Variants in STX3 observed in about 807,000 individuals in gnomAD.
STX3 encodes the protein syntaxin-3.
STX3 carries 19 observed loss-of-function variants against 40.2 expected under a neutral mutation model. The observed-to-expected ratio is 0.47, with a 90% CI of 0.33 to 0.69. STX3 has a LOEUF of 0.69. Ranked by LOEUF, STX3 falls within the 30% of genes least tolerant of loss-of-function variation. The probability of loss-of-function intolerance (pLI) is 0.02; values close to 1 mark genes in which losing one functional copy is unlikely to be tolerated. For synonymous variants in STX3, 122 were observed against 132.2 expected, an observed-to-expected ratio of 0.92 and a Z score of 0.53; for missense variants, 364 against 366.7, an observed-to-expected ratio of 0.99 and a Z score of 0.06.
At chr11:59,767,229 A>T (rs1054280904) in intron 1 of STX3, among the ~76,000 whole-genome samples, 33 of 152,112 alleles carry the variant, frequency 2.2e-4, no homozygotes, top group Non-Finnish European at 4.0e-4. Flanking sequence ...GTTGGAGTTC[A>T]GTGTTGCCTA....
At chr11:59,771,219 T>G (rs1176487140) in intron 1 of STX3, among the ~76,000 whole-genome samples, 4 of 123,076 alleles carry the variant, frequency 3.3e-5, no homozygotes, top group Non-Finnish European at 6.6e-5. Context: ...GAGGCCAGGA[T>G]TTTGAGACCA....
At chr11:59,768,651 C>T (rs1198396802) in intron 1 of STX3, among the ~76,000 whole-genome samples, 3 of 152,086 alleles carry the variant, frequency 2.0e-5, no homozygotes, top group Non-Finnish European at 4.4e-5. Context: ...TATAGCTAAA[C>T]GCATAAATAC....
rs1865907611 is a variant in STX3 at position 59,802,083 on chromosome 11, T to A, written c.*1259T>A. The A allele has an allele frequency of 3.0e-6, 3 of 985,462 alleles. No homozygotes were observed. The highest frequency in any genetic ancestry group is 3.6e-6 in the Non-Finnish European group (3 of 829,942). 61.0% of individuals were successfully genotyped at this position (985,462 alleles called of 1,614,324 possible). ...CTATGCTAGGCTTGTCCTGAGAACA[T>A]CCCTCAGTAACTTGATATTCACATG... On this transcript the variant is annotated 3_prime_UTR_variant, in exon 11 of 11. Transcript: ENST00000337979.
In STX3 at chr11:59,788,878, A is replaced by G. The variant is rs1402493405; in HGVS notation, c.220A>G (p.Lys74Glu). ...LSAPIPEPKT[K>E]DDLEQLTTEI... ...GCCTGCCTTTATTTACCCAGAAACCAAGGATGACCTAGAGCAGCTCACGAC... is the reference window on the plus strand; with the variant it reads ...GCCTGCCTTTATTTACCCAGAAACCGAGGATGACCTAGAGCAGCTCACGAC... The change falls in exon 4 of 11, where the codon AAG becomes GAG. Residue 74 changes from lysine to glutamate, a missense_variant. Coordinates refer to ENST00000337979, the MANE Select transcript of STX3 (RefSeq NM_004177.5). 4 of 1,612,168 alleles carry G rather than the reference A, an allele frequency of 2.5e-6. No individual in the cohort carries two copies. The highest frequency in any genetic ancestry group is 2.5e-6 in the Non-Finnish European group (3 of 1,179,108).
At chr11:59,774,584 G>T (rs935391333) in intron 2 of STX3, among the ~76,000 whole-genome samples, 8 of 152,196 alleles carry the variant, frequency 5.3e-5, no homozygotes, top group African/African-American at 9.7e-5. Context: ...TGTAATCCCA[G>T]CACTTTGGGG....
At chr11:59,764,728 C>T (rs770494617) in intron 1 of STX3, among the ~76,000 whole-genome samples, 8 of 151,886 alleles carry the variant, frequency 5.3e-5, no homozygotes, top group African/African-American at 1.7e-4. Flanking sequence ...CTAATGAGGT[C>T]GTTTATTAGC....
intron 2 of STX3, among the ~76,000 whole-genome samples, chr11:59,778,692 G>A (rs1864150922): frequency 6.6e-6 from 1 of 152,120 alleles, no homozygotes; most frequent in African/African-American, 2.4e-5. Context: ...AACTTAAAAT[G>A]CACGTTAACT....
chr11:59,797,491 T>G, intron 10 of STX3, 95 bp downstream of exon 10: 2 of 913,564 alleles, frequency 2.2e-6, no homozygotes, highest in Middle Eastern at 2.2e-4. Context: ...CCCCTATGAT[T>G]GTCCTTGGAC....
intron 1 of STX3, among the ~76,000 whole-genome samples, chr11:59,768,445 A>G (rs1384441589): frequency 6.6e-6 from 1 of 152,178 alleles, no homozygotes; most frequent in Non-Finnish European, 1.5e-5. Context: ...CTGTGTTTGA[A>G]TAGCAGAGGA....
intron 2 of STX3, among the ~76,000 whole-genome samples, chr11:59,785,373 C>T (rs1299122999): frequency 6.6e-6 from 1 of 152,004 alleles, no homozygotes; most frequent in Non-Finnish European, 1.5e-5. Flanking sequence ...CTCCGTTGCT[C>T]AGGCGGGAAA....
chr11:59,793,026 A>G lies in STX3; in HGVS notation c.467-73A>G, dbSNP rs976067567. ...TCTTTATAGGGAAGTCACGTTCCTAATTTTCAGGGTCCTTATCAGATGGTG... is the reference window on the plus strand; with the variant it reads ...TCTTTATAGGGAAGTCACGTTCCTAGTTTTCAGGGTCCTTATCAGATGGTG... On this transcript the variant is annotated intron_variant, in intron 6 of 10. Coordinates refer to ENST00000337979, the MANE Select transcript of STX3 (RefSeq NM_004177.5). 8.2e-5 allele frequency: 124 copies of G among 1,506,868 alleles called. No homozygotes were observed. The Admixed American group carries it at 2.3e-3, about 28-fold the overall frequency. 93.3% of individuals were successfully genotyped at this position (1,506,868 alleles called of 1,614,324 possible). A position where few individuals can be genotyped will look rare whatever the true frequency, so the allele number is the denominator to read the frequency against.
At chr11:59,754,691 T>C (rs1187897775), upstream of STX3, 1 of 152,180 alleles carries the variant, frequency 6.6e-6, no homozygotes, top group African/African-American at 2.4e-5. Flanking sequence ...GTGGGTACCA[T>C]CTCTGATTTA....
At position 59,785,616 on chromosome 11, in the gene STX3, C is replaced by T. The variant is rs578107914; in HGVS notation, c.115-1421C>T. Among the ~76,000 whole-genome samples the T allele has an allele frequency of 2.0e-5, 3 of 152,240 alleles. No homozygotes were observed. In the East Asian group the frequency reaches 5.8e-4, roughly 29 times the overall value. On this transcript the variant is annotated intron_variant, in intron 2 of 10. Coordinates refer to ENST00000337979, the MANE Select transcript of STX3 (RefSeq NM_004177.5). ...AAAGTGCTGGGATTACAGGTGTGAG[C>T]CATTGTGCCTGGCCTCTCCTATTTT...
At chr11:59,783,642 C>A (rs185426766) in intron 2 of STX3, among the ~76,000 whole-genome samples, 1 of 152,298 alleles carries the variant, frequency 6.6e-6, no homozygotes, top group East Asian at 1.9e-4. Context: ...ATACCCCTTC[C>A]CTGCAATTGC....
chr11:59,798,079 T>C (rs1340748110), intron 10 of STX3, among the ~76,000 whole-genome samples: 2 of 152,232 alleles, frequency 1.3e-5, no homozygotes, highest in African/African-American at 2.4e-5. Context: ...AGCTTCTCTT[T>C]GTAAAAGAAG....
chr11:59,763,152 A>G (rs1863122734), intron 1 of STX3, among the ~76,000 whole-genome samples: 2 of 152,158 alleles, frequency 1.3e-5, no homozygotes, highest in African/African-American at 2.4e-5. Context: ...TGAATCTGTT[A>G]CTTTGCATGG....
chr11:59,789,949 T>A (rs931008635), intron 4 of STX3, among the ~76,000 whole-genome samples: 2 of 152,218 alleles, frequency 1.3e-5, no homozygotes, highest in Admixed American at 6.5e-5. Flanking sequence ...TGCTAGAGCC[T>A]GCATTCTTGC....
At chr11:59,773,047 A>C (rs1321962572) in intron 1 of STX3, among the ~76,000 whole-genome samples, 164 bp from the exon 2 acceptor site, 1 of 151,812 alleles carries the variant, frequency 6.6e-6, no homozygotes, top group African/African-American at 2.4e-5. Context: ...ATTTAATTTC[A>C]GATGTTGAGA....
intron 2 of STX3, among the ~76,000 whole-genome samples, chr11:59,781,100 T>TTTTTTTTTTTTTTTATA (rs963410109): frequency 4.1e-5 from 6 of 146,354 alleles, no homozygotes; most frequent in Admixed American, 2.0e-4. Flanking sequence ...TTTTTTTTTT[T>TTTTTTTTTTTTTTTATA]TATATTAGCA....
Sources: gnomAD v4.1 joint callset for allele counts (sites outside exome capture counted in the v4.1 genomes callset) on GRCh38, gnomAD v4.1.1 for gene constraint, MANE v1.5 for transcripts, NCBI Gene and HGNC (gene_info 2026-07-23, HGNC 2026-07-21) for gene names.